ZNF808: variants seen among roughly 807,000 people sequenced by gnomAD.
ZNF808 encodes the protein zinc finger protein 808.
A neutral mutation model predicts 8.7 loss-of-function variants in ZNF808; 5 were observed. The observed-to-expected ratio is 0.58, with a 90% confidence interval of 0.30 to 1.21. The LOEUF is 1.21. Ranked by LOEUF, ZNF808 falls within the 50% of genes most tolerant of loss-of-function variation. The pLI, the probability that ZNF808 is intolerant of heterozygous loss-of-function variation, is 0.07. For synonymous variants in ZNF808, 380 were observed against 366.0 expected (o/e 1.04, Z -0.44); for missense variants, 1,103 against 1,098.4 (o/e 1.00, Z -0.06).
At chr19:52,533,713 G>A (rs576637625) in intron 2 of ZNF808, among the ~76,000 whole-genome samples, 29 of 151,590 alleles carry the variant, frequency 1.9e-4, no homozygotes, top group Non-Finnish European at 4.0e-4. Context: ...GAAATTAGCC[G>A]GGCATGGTGG....
At chr19:52,534,722 C>G (rs1335432264) in intron 2 of ZNF808, among the ~76,000 whole-genome samples, 1 of 151,896 alleles carries the variant, frequency 6.6e-6, no homozygotes, top group African/African-American at 2.4e-5. Context: ...AACCCCGTCT[C>G]TACCAAAAAT....
At chr19:52,552,180 G>A (rs1336502877) in intron 4 of ZNF808, among the ~76,000 whole-genome samples, 1 of 151,832 alleles carries the variant, frequency 6.6e-6, no homozygotes, top group Non-Finnish European at 1.5e-5. Context: ...ACCACGCCTG[G>A]CTATTTTTTT....
At chr19:52,545,945 C>T (rs2059715877) in intron 3 of ZNF808, among the ~76,000 whole-genome samples, 1 of 152,196 alleles carries the variant, frequency 6.6e-6, no homozygotes, top group Non-Finnish European at 1.5e-5. Context: ...TCTGTTACTT[C>T]AGCGTTTATA....
rs745440570 is a variant in ZNF808, at chr19:52,553,749, G to A, written c.833G>A (p.Arg278His). Residue 278 changes from arginine (R) to histidine (H), a missense_variant, in exon 5 of 5, where the codon CGT becomes CAT. Arg to His is a conservative substitution (Grantham distance 29). Coordinates refer to ENST00000359798, the MANE Select transcript of ZNF808 (RefSeq NM_001039886.4). ...FNHKQYLACH[R>H]RCHTGEKPYK... ...CACAAGCAATACCTTGCATGCCATC[G>A]TAGATGTCACACTGGAGAGAAACCT... 7 of 1,614,146 alleles carry A rather than the reference G, an allele frequency of 4.3e-6. No individual in the cohort carries two copies. The highest frequency in any genetic ancestry group is 1.3e-5 in the African/African-American group (1 of 75,058).
At chr19:52,558,263 G>A (rs1288391515), downstream of ZNF808, among the ~76,000 whole-genome samples, 2 of 150,562 alleles carry the variant, frequency 1.3e-5, no homozygotes, top group African/African-American at 2.4e-5. Flanking sequence ...TTTAGTAGAG[G>A]CGGGGTTTCA....
At chr19:52,535,812 C>T (rs560906875) in intron 2 of ZNF808, among the ~76,000 whole-genome samples, 92 of 152,340 alleles carry the variant, frequency 6.0e-4, no homozygotes, top group African/African-American at 2.1e-3. Flanking sequence ...TGGCCGCTCT[C>T]ACCTCCAAAC....
chr19:52,560,328 A>AC (rs1382988948), downstream of ZNF808, among the ~76,000 whole-genome samples: 1 of 151,890 alleles, frequency 6.6e-6, no homozygotes, highest in African/African-American at 2.4e-5. Context: ...TCCTTCTCAA[A>AC]AAAAAAAAAA....
rs2059835784 is a variant in ZNF808 at position 52,556,335 on chromosome 19, A to G, written c.*707A>G. The G allele has an allele frequency of 6.0e-6, 1 of 166,136 alleles. No homozygotes were observed. The highest frequency in any genetic ancestry group is 2.4e-5 in the African/African-American group (1 of 41,374). 10.3% of individuals were successfully genotyped at this position (166,136 alleles called of 1,614,324 possible). ...TTCTTATTTTCTTATTTATTTATTT[A>G]TTTATTTTGAGATGGAGTGTCACTC... On this transcript the variant is annotated 3_prime_UTR_variant, in exon 5 of 5. Coordinates refer to ENST00000359798, the MANE Select transcript of ZNF808 (RefSeq NM_001039886.4).
At chr19:52,544,215 A>G (rs1333524424) in intron 3 of ZNF808, among the ~76,000 whole-genome samples, 7 of 152,126 alleles carry the variant, frequency 4.6e-5, no homozygotes, top group African/African-American at 1.7e-4. Flanking sequence ...CTGGAGTACA[A>G]TGGCACAATT....
Position 52,535,330 on chromosome 19 carries a change from C to CAAA in ZNF808, c.-20+2344_-20+2346dup, listed in dbSNP as rs560559835. Among the ~76,000 whole-genome samples, 70 of 70,066 alleles carry CAAA rather than the reference C, an allele frequency of 1.0e-3. 3 individuals carry two copies. Among genetic ancestry groups the CAAA allele is most frequent in the African/African-American group, 2.6e-3 (49 of 18,954 alleles). The allele number at this position is 70,066 out of a possible 152,430, so 46.0% of individuals were successfully genotyped here. On this transcript the variant is annotated intron_variant, in intron 2 of 4. Transcript: ENST00000359798. ...TGGGTGACAGAGCGAGACTCCGTCT[C>CAAA]AAAAAAAAAAAAAAAAAAAAAAAAA... is the stretch of plus-strand genomic sequence containing the variant.
intron 2 of ZNF808, among the ~76,000 whole-genome samples, chr19:52,541,189 A>ATC (rs2059666655): frequency 6.6e-6 from 1 of 151,076 alleles, no homozygotes; most frequent in African/African-American, 2.4e-5. Flanking sequence ...TGACTTTGTG[A>ATC]TCTGCCCGCC....
chr19:52,554,258 A>G lies in ZNF808; in HGVS notation c.1342A>G (p.Ile448Val), dbSNP rs2059809334. 1 of 1,613,670 alleles carries G rather than the reference A, an allele frequency of 6.2e-7. No individual in the cohort carries two copies. Among genetic ancestry groups the G allele is most frequent in the Non-Finnish European group, 8.5e-7 (1 of 1,179,704 alleles). The change falls in exon 5 of 5, where the codon ATT (isoleucine) becomes GTT (valine). Residue 448 changes from isoleucine (I) to valine (V), a missense_variant. Coordinates refer to ENST00000359798, the MANE Select transcript of ZNF808 (RefSeq NM_001039886.4). ...ATCAACCCTTGAGAGACATAAGAGA[A>G]TTCATACTGGAGAGAAACCATACAA... is the stretch of plus-strand genomic sequence containing the variant. The part of the protein sequence containing the change: ...QKSTLERHKR[I>V]HTGEKPYKCK...
intron 1 of ZNF808, among the ~76,000 whole-genome samples, chr19:52,531,162 A>G (rs1389304228): frequency 6.6e-6 from 1 of 152,154 alleles, no homozygotes; most frequent in East Asian, 1.9e-4. Context: ...TCAGCTCTTT[A>G]ATGTCTCCCT....
intron 4 of ZNF808, among the ~76,000 whole-genome samples, chr19:52,550,370 A>G (rs2059765049): frequency 6.6e-6 from 1 of 151,990 alleles, no homozygotes; most frequent in African/African-American, 2.4e-5. Context: ...AGCTGGGATT[A>G]GAGGCATGCA....
chr19:52,549,531 C>T (rs551905865), intron 4 of ZNF808, among the ~76,000 whole-genome samples: 3 of 152,226 alleles, frequency 2.0e-5, no homozygotes, highest in South Asian at 4.1e-4. Context: ...TTGTCCCTTG[C>T]CCATATTGTA....
At chr19:52,567,480 GTATTTTTTATTAT>G (rs1211655424), downstream of ZNF808, among the ~76,000 whole-genome samples, 22 of 105,622 alleles carry the variant, frequency 2.1e-4, no homozygotes, top group African/African-American at 3.3e-4. Flanking sequence ...TTGTCCAGCT[GTATTTTTTATTAT>G]TATTATTATT....
intron 2 of ZNF808, among the ~76,000 whole-genome samples, chr19:52,538,775 G>A (rs1173408143): frequency 6.6e-6 from 1 of 152,182 alleles, no homozygotes; most frequent in African/African-American, 2.4e-5. Flanking sequence ...TAATGAAGAC[G>A]AAGAGGGACC....
chr19:52,567,432 T>G (rs551200903), downstream of ZNF808, among the ~76,000 whole-genome samples: 1 of 149,678 alleles, frequency 6.7e-6, no homozygotes, highest in South Asian at 2.1e-4. Flanking sequence ...TTTTTCTTTT[T>G]TTTTTTAAGA....
chr19:52,562,796 C>T (rs931480658), intron 3 of ZNF808, among the ~76,000 whole-genome samples: 8 of 150,846 alleles, frequency 5.3e-5, no homozygotes, highest in Non-Finnish European at 8.8e-5. Context: ...TTTTTGGAGA[C>T]AGAGTCTTGC....
Sources: gnomAD v4.1 joint callset for allele counts (sites outside exome capture counted in the v4.1 genomes callset) on GRCh38, gnomAD v4.1.1 for gene constraint, MANE v1.5 for transcripts, NCBI Gene and HGNC (gene_info 2026-07-23, HGNC 2026-07-21) for gene names.